CLSTN2: variants seen among roughly 807,000 people sequenced by gnomAD.
The protein encoded by CLSTN2 is calsyntenin 2.
In CLSTN2, 48 loss-of-function variants were observed where a neutral mutation model predicts 101.2. The observed-to-expected ratio is 0.47, with a 90% CI of 0.38 to 0.60. The LOEUF is 0.60. Among genes scored for constraint, CLSTN2 ranks in the 20% least tolerant of loss-of-function variants. The probability of loss-of-function intolerance (pLI) is 0.00; values close to 1 mark genes in which losing one functional copy is unlikely to be tolerated. For synonymous variants in CLSTN2, 481 were observed against 463.6 expected, an observed-to-expected ratio of 1.04 and a Z score of -0.48; for missense variants, 1,160 against 1,238.2, an observed-to-expected ratio of 0.94 and a Z score of 0.95.
At chr3:140,119,906 A>T (rs908451195) in intron 1 of CLSTN2, among the ~76,000 whole-genome samples, 3 of 151,816 alleles carry the variant, frequency 2.0e-5, no homozygotes, top group Admixed American at 1.3e-4. Context: ...TGAAGACTCC[A>T]TGAGCCTCAG....
chr3:140,036,338 G>C (rs956006460), intron 1 of CLSTN2, among the ~76,000 whole-genome samples: 1 of 152,154 alleles, frequency 6.6e-6, no homozygotes, highest in East Asian at 1.9e-4. Flanking sequence ...AATCCATATA[G>C]TGATTTATGC....
At chr3:140,038,085 T>C (rs1221693852) in intron 1 of CLSTN2, among the ~76,000 whole-genome samples, 1 of 152,186 alleles carries the variant, frequency 6.6e-6, no homozygotes, top group African/African-American at 2.4e-5. Context: ...CTGGGTCAAA[T>C]GGTATTTCTG....
intron 2 of CLSTN2, among the ~76,000 whole-genome samples, chr3:140,202,255 G>A (rs542620047): frequency 2.0e-5 from 3 of 152,338 alleles, no homozygotes; most frequent in Non-Finnish European, 2.9e-5. Flanking sequence ...AGCAGTGTCA[G>A]GGAGACCACT....
At chr3:140,499,298 G>T (rs1197207771) in intron 8 of CLSTN2, among the ~76,000 whole-genome samples, 1 of 152,092 alleles carries the variant, frequency 6.6e-6, no homozygotes, top group Non-Finnish European at 1.5e-5. Context: ...CTTTTCAACT[G>T]CATGAGCCAC....
rs559751386 is a variant in CLSTN2 at position 140,362,258 on chromosome 3, A to G, written c.233-41371A>G. Among the ~76,000 whole-genome samples, 4 of 152,328 alleles carry G rather than the reference A, an allele frequency of 2.6e-5. No individual in the cohort carries two copies. The East Asian group carries it at 7.7e-4, about 29-fold the overall frequency. On this transcript the variant is annotated intron_variant, in intron 2 of 16. Coordinates refer to ENST00000458420, the MANE Select transcript of CLSTN2 (RefSeq NM_022131.3). ...AATAGTGCTAGTATAATATATCCAC[A>G]TGCAAAATGGTGAATTTAGACCCTT... is the stretch of plus-strand genomic sequence containing the variant.
intron 2 of CLSTN2, among the ~76,000 whole-genome samples, chr3:140,296,656 G>A (rs926778087): frequency 3.3e-5 from 5 of 152,056 alleles, no homozygotes; most frequent in African/African-American, 7.2e-5. Context: ...TATATACAAC[G>A]CAAGTATTTG....
chr3:140,138,283 G>C (rs760418781), intron 1 of CLSTN2, among the ~76,000 whole-genome samples: 12 of 152,216 alleles, frequency 7.9e-5, no homozygotes, highest in East Asian at 1.9e-4. Context: ...GCTTAAAAAG[G>C]GGGGGAAGAA....
At chr3:140,431,899 G>A (rs1189359834) in intron 5 of CLSTN2, among the ~76,000 whole-genome samples, 1 of 152,214 alleles carries the variant, frequency 6.6e-6, no homozygotes, top group African/African-American at 2.4e-5. Flanking sequence ...TTGTAAGATT[G>A]TTAAGACCAA....
intron 1 of CLSTN2, among the ~76,000 whole-genome samples, chr3:140,095,260 ATTGACTT>A (rs946931615): frequency 3.3e-5 from 5 of 151,644 alleles, no homozygotes; most frequent in African/African-American, 1.2e-4. Flanking sequence ...AACTCATAAC[ATTGACTT>A]TTGTTCTGAA....
chr3:140,294,620 T>A (rs1003654634), intron 2 of CLSTN2, among the ~76,000 whole-genome samples: 4 of 151,950 alleles, frequency 2.6e-5, no homozygotes, highest in African/African-American at 9.7e-5. Context: ...AGGAGATCAA[T>A]TTCCCTCCCT....
intron 1 of CLSTN2, among the ~76,000 whole-genome samples, chr3:140,171,132 T>G (rs2010206181): frequency 6.6e-6 from 1 of 152,144 alleles, no homozygotes; most frequent in Non-Finnish European, 1.5e-5. Flanking sequence ...ATTGCATTTG[T>G]GTTGATGGCT....
intron 2 of CLSTN2, among the ~76,000 whole-genome samples, chr3:140,395,449 C>T (rs1394235444): frequency 6.6e-6 from 1 of 152,188 alleles, no homozygotes; most frequent in Non-Finnish European, 1.5e-5. Flanking sequence ...GTATCTTCAG[C>T]TGTAATAAAG....
chr3:140,169,521 T>G (rs1287346312), intron 1 of CLSTN2, among the ~76,000 whole-genome samples: 1 of 152,054 alleles, frequency 6.6e-6, no homozygotes, highest in Non-Finnish European at 1.5e-5. Flanking sequence ...GTGCTGAGAG[T>G]GGGCCATCCT....
At chr3:140,031,734 G>C (rs1448873620) in intron 1 of CLSTN2, among the ~76,000 whole-genome samples, 3 of 152,200 alleles carry the variant, frequency 2.0e-5, no homozygotes, top group East Asian at 1.9e-4. Context: ...CTCAGAAGCT[G>C]TTTGTTAGAG....
At chr3:139,944,709 G>A (rs1015277048) in intron 1 of CLSTN2, among the ~76,000 whole-genome samples, 2 of 152,204 alleles carry the variant, frequency 1.3e-5, no homozygotes, top group African/African-American at 4.8e-5. Context: ...TGCTGCCCAC[G>A]CTGGCTGCAA....
rs2086998930 is a variant in CLSTN2, at chr3:140,295,995, A to G, written c.233-107634A>G. Among the ~76,000 whole-genome samples the G allele has an allele frequency of 2.0e-5, 3 of 152,312 alleles. No individual in the cohort carries two copies. In the East Asian group the frequency reaches 5.8e-4, roughly 29 times the overall value. Reference sequence around the variant, plus strand: ...TTAACTGAAATGTTATTATAATCCAATTCTTATATGTTGAATAGCCCTCTC... The same window carrying G: ...TTAACTGAAATGTTATTATAATCCAGTTCTTATATGTTGAATAGCCCTCTC... On this transcript the variant is annotated intron_variant, in intron 2 of 16. Coordinates refer to ENST00000458420, the MANE Select transcript of CLSTN2 (RefSeq NM_022131.3).
intron 2 of CLSTN2, among the ~76,000 whole-genome samples, chr3:140,214,324 C>A (rs147586844): frequency 6.6e-6 from 1 of 151,882 alleles, no homozygotes; most frequent in Non-Finnish European, 1.5e-5. Context: ...TGTGGTGCTG[C>A]GTGCCTGTAG....
chr3:140,440,161 A>G (rs1170387310), intron 5 of CLSTN2, among the ~76,000 whole-genome samples: 3 of 152,124 alleles, frequency 2.0e-5, no homozygotes, highest in African/African-American at 7.2e-5. Flanking sequence ...GTGAGGTGGG[A>G]CCTGGATGAA....
At chr3:140,262,272 A>C (rs193011598) in intron 2 of CLSTN2, among the ~76,000 whole-genome samples, 144 of 152,332 alleles carry the variant, frequency 9.5e-4, no homozygotes, top group African/African-American at 3.4e-3. Context: ...TGAGTGGTGA[A>C]GCTGGCCTTC....
Sources: gnomAD v4.1 joint callset for allele counts (sites outside exome capture counted in the v4.1 genomes callset) on GRCh38, gnomAD v4.1.1 for gene constraint, MANE v1.5 for transcripts, NCBI Gene and HGNC (gene_info 2026-07-23, HGNC 2026-07-21) for gene names.